The following PIWIL4 variants were observed in gnomAD, a reference collection of about 807,000 sequenced individuals.
The protein encoded by PIWIL4 is piwi like RNA-mediated gene silencing 4, also known as piwi-like protein 4.
In PIWIL4, 50 loss-of-function variants were observed where a neutral mutation model predicts 100.9. The ratio of observed to expected loss-of-function variants is 0.50; its 90% CI spans 0.39 to 0.63. The LOEUF (loss-of-function observed/expected upper bound fraction) is 0.63, where lower values mean the gene tolerates loss of function less well. Among genes scored for constraint, PIWIL4 ranks in the 20% least tolerant of loss-of-function variants. The pLI is 0.00. For synonymous variants in PIWIL4, 342 were observed against 367.5 expected (o/e 0.93, Z 0.79); for missense variants, 887 against 1,043.3 (o/e 0.85, Z 2.06).
At chr11:94,612,154 G>T (rs1386144442) in intron 15 of PIWIL4, among the ~76,000 whole-genome samples, 1 of 150,556 alleles carries the variant, frequency 6.6e-6, no homozygotes, top group Non-Finnish European at 1.5e-5. Context: ...GAGTACTGAA[G>T]CTCCCTACTA....
chr11:94,616,384 G>A (rs766452425), intron 15 of PIWIL4, 109 bp from the exon 16 acceptor site: 243 of 973,334 alleles, frequency 2.5e-4, no homozygotes, highest in Non-Finnish European at 3.3e-4. Context: ...ACAAAATTGC[G>A]AACATTGATT....
At chr11:94,619,945 G>T (rs1318608151) in intron 18 of PIWIL4, 52 bp from the exon 19 acceptor site, 1 of 1,613,906 alleles carries the variant, frequency 6.2e-7, no homozygotes, top group Non-Finnish European at 8.5e-7. Context: ...GTTTATGTTT[G>T]ACCTTATTCT....
rs558178082 is a variant in PIWIL4, at chr11:94,571,951, G to T, written c.167-3048G>T. On this transcript the variant is annotated intron_variant, in intron 2 of 19. Transcript: ENST00000299001. ...TCCCCACATCCTCTCCAGCACCTGT[G>T]GTTTCCTGACTTTTTAATGATCGCC... Among the ~76,000 whole-genome samples the T allele has an allele frequency of 1.1e-4, 17 of 152,210 alleles. No homozygotes were observed. In the South Asian group the frequency reaches 3.3e-3, roughly 30 times the overall value.
intron 10 of PIWIL4, among the ~76,000 whole-genome samples, chr11:94,596,454 A>G (rs1006656959): frequency 6.6e-6 from 1 of 152,218 alleles, no homozygotes; most frequent in Admixed American, 6.5e-5. Context: ...GCAAACGCAT[A>G]TAATCCTATT....
intron 5 of PIWIL4, 88 bp downstream of exon 5, chr11:94,583,657 G>A: frequency 6.4e-7 from 1 of 1,550,596 alleles, no homozygotes; most frequent in Non-Finnish European, 8.8e-7. Context: ...CCATTTTGTA[G>A]GCAGTGTGCC....
At chr11:94,617,872 T>G in intron 16 of PIWIL4, 82 bp from the exon 17 acceptor site, 1 of 1,487,618 alleles carries the variant, frequency 6.7e-7, no homozygotes, top group Non-Finnish European at 9.4e-7. Flanking sequence ...CAAACCCATT[T>G]AAACACTGCA....
At position 94,589,285 on chromosome 11, in the gene PIWIL4, TC is replaced by T. The variant is rs1418195325; in HGVS notation, c.1026+54del. On this transcript the variant is annotated intron_variant, in intron 8 of 19. Transcript: ENST00000299001. Reference sequence around the variant, plus strand: ...CTCCTTTTCTTTTACCTCAGAGAAGTCTCCTTATTCCAAGTCTCAGAGGTCC... The same window carrying T: ...CTCCTTTTCTTTTACCTCAGAGAAGTTCCTTATTCCAAGTCTCAGAGGTCC... The T allele has an allele frequency of 6.9e-6, 10 of 1,449,838 alleles. No homozygotes were observed. In the African/African-American group the frequency reaches 1.3e-4, roughly 18 times the overall value. The allele number at this position is 1,449,838 out of a possible 1,614,324, so 89.8% of individuals were successfully genotyped here. A position where few individuals can be genotyped will look rare whatever the true frequency, so the allele number is the denominator to read the frequency against.
intron 15 of PIWIL4, among the ~76,000 whole-genome samples, chr11:94,609,980 C>T (rs1300402339): frequency 6.6e-6 from 1 of 151,974 alleles, no homozygotes; most frequent in Non-Finnish European, 1.5e-5. Context: ...ACATTGTGTC[C>T]AAAACATATT....
At position 94,602,042 on chromosome 11, in the gene PIWIL4, G is replaced by A. The variant is rs562631802; in HGVS notation, c.1565+63G>A. On this transcript the variant is annotated intron_variant, in intron 12 of 19. Transcript: ENST00000299001. ...GTTTGGTTAGAAGGTAGGGAATAAT[G>A]GCAGATGTATCAACAAAAGCTTCTT... 4.9e-4 allele frequency: 710 copies of A among 1,446,120 alleles called. 1 individual carries two copies. The highest frequency in any genetic ancestry group is 5.8e-4 in the Non-Finnish European group (624 of 1,069,946). The allele number at this position is 1,446,120 out of a possible 1,614,324, so 89.6% of individuals were successfully genotyped here. A position where few individuals can be genotyped will look rare whatever the true frequency, so the allele number is the denominator to read the frequency against.
At chr11:94,568,591 T>C (rs1282822906) in intron 1 of PIWIL4, 139 bp from the exon 2 acceptor site, 1 of 622,816 alleles carries the variant, frequency 1.6e-6, no homozygotes, top group African/African-American at 1.8e-5. Context: ...TCTCTTCTCA[T>C]CTCTCAAGGG....
At chr11:94,600,471 G>A (rs962002280) in intron 11 of PIWIL4, among the ~76,000 whole-genome samples, 1 of 152,112 alleles carries the variant, frequency 6.6e-6, no homozygotes, top group African/African-American at 2.4e-5. Context: ...AAAAGGGGAG[G>A]GAGTGTACGA....
rs758783384 is a variant in PIWIL4 at position 94,587,055 on chromosome 11, C to T, written c.722C>T (p.Ser241Phe). The T allele has an allele frequency of 6.2e-7, 1 of 1,607,128 alleles. No homozygotes were observed. Among genetic ancestry groups the T allele is most frequent in the Admixed American group, 1.7e-5 (1 of 59,874 alleles). The change falls in exon 7 of 20, where the codon TCC (serine) becomes TTC (phenylalanine). Residue 241 changes from serine to phenylalanine, a missense_variant. By Grantham distance (155) the Ser-to-Phe change is radical. Transcript: ENST00000299001. ...EPMEIPQHKL[S>F]LWPGFAISVS... ...TTTCTTTTTTGTTTTTAAAGATTAT[C>T]CCTTTGGCCTGGGTTTGCCATTTCT...
chr11:94,574,931 C>T, intron 2 of PIWIL4, 68 bp from the exon 3 acceptor site: 1 of 1,481,196 alleles, frequency 6.8e-7, no homozygotes, highest in Non-Finnish European at 9.3e-7. Flanking sequence ...GCATTTTTGA[C>T]ATAGTAGTTG....
intron 8 of PIWIL4, among the ~76,000 whole-genome samples, chr11:94,590,159 A>G (rs956625928): frequency 6.6e-6 from 1 of 152,236 alleles, no homozygotes; most frequent in Non-Finnish European, 1.5e-5. Flanking sequence ...AGTCATTTAC[A>G]CTAGCTCCAA....
At position 94,607,656 on chromosome 11, in the gene PIWIL4, A is replaced by C. The variant is rs775970018; in HGVS notation, c.1839+17A>C. On this transcript the variant is annotated intron_variant, in intron 14 of 19. Coordinates refer to ENST00000299001, the MANE Select transcript of PIWIL4 (RefSeq NM_152431.3). ...GAAATACCTGTAAGGACCCTGTCAC[A>C]TTTTTTCTATTAGTAATTAATAAAT... is the stretch of plus-strand genomic sequence containing the variant. 2.1e-5 allele frequency: 34 copies of C among 1,598,562 alleles called. No individual in the cohort carries two copies. The highest frequency in any genetic ancestry group is 2.7e-5 in the Non-Finnish European group (32 of 1,170,890).
At chr11:94,604,926 T>C (rs1399179959) in intron 13 of PIWIL4, among the ~76,000 whole-genome samples, 2 of 152,214 alleles carry the variant, frequency 1.3e-5, no homozygotes, top group Non-Finnish European at 2.9e-5. Flanking sequence ...TAAGAGCATT[T>C]ATTTTTTACT....
intron 15 of PIWIL4, among the ~76,000 whole-genome samples, chr11:94,613,918 A>G (rs935636694): frequency 2.0e-5 from 3 of 151,894 alleles, no homozygotes; most frequent in Non-Finnish European, 4.4e-5. Context: ...ACCTGCCACA[A>G]TGTCCAGCTA....
intron 12 of PIWIL4, among the ~76,000 whole-genome samples, chr11:94,603,629 G>C (rs904905190): frequency 2.0e-5 from 3 of 151,976 alleles, no homozygotes; most frequent in Non-Finnish European, 4.4e-5. Flanking sequence ...TCTTAATCCT[G>C]GTTGAGCTTG....
intron 15 of PIWIL4, among the ~76,000 whole-genome samples, chr11:94,609,519 G>T (rs1948763986): frequency 6.6e-6 from 1 of 152,090 alleles, no homozygotes; most frequent in Admixed American, 6.6e-5. Context: ...ACAGAAAAAG[G>T]AACACCATAA....
Sources: gnomAD v4.1 joint callset for allele counts (sites outside exome capture counted in the v4.1 genomes callset) on GRCh38, gnomAD v4.1.1 for gene constraint, MANE v1.5 for transcripts, NCBI Gene and HGNC (gene_info 2026-07-23, HGNC 2026-07-21) for gene names.